FOXN3: variants seen among roughly 807,000 people sequenced by gnomAD.
FOXN3 encodes forkhead box N3.
A neutral mutation model predicts 38.4 loss-of-function variants in FOXN3; 7 were observed. The observed-to-expected ratio is 0.18, with a 90% CI of 0.10 to 0.34. FOXN3 has a LOEUF of 0.34. Ranked by LOEUF, FOXN3 falls within the 10% of genes least tolerant of loss-of-function variation. The pLI is 1.00. For synonymous variants in FOXN3, 230 were observed against 242.2 expected, an observed-to-expected ratio of 0.95 and a Z score of 0.47; for missense variants, 456 against 613.4, an observed-to-expected ratio of 0.74 and a Z score of 2.71.
At chr14:89,298,807 A>G (rs1887127290) in intron 3 of FOXN3, among the ~76,000 whole-genome samples, 1 of 152,252 alleles carries the variant, frequency 6.6e-6, no homozygotes, top group African/African-American at 2.4e-5. Context: ...TCTGAGATGT[A>G]CAGAGGAACC....
rs552336215 is a variant in FOXN3, at chr14:89,530,766, C to T, written c.-15+88262G>A. The stretch of plus-strand genomic sequence containing the variant: ...CTGGGATTACAGGCGCCTACCACCA[C>T]GCCCGGCTAATTTTTGTATTTTTAG... On this transcript the variant is annotated intron_variant, in intron 1 of 6. Coordinates refer to the FOXN3 transcript ENST00000345097. Among the ~76,000 whole-genome samples the T allele has an allele frequency of 1.2e-4, 18 of 151,198 alleles. No individual in the cohort carries two copies. In the South Asian group the frequency reaches 2.3e-3, roughly 19 times the overall value.
intron 3 of FOXN3, among the ~76,000 whole-genome samples, chr14:89,319,284 A>G (rs1378471126): frequency 6.6e-6 from 1 of 152,150 alleles, no homozygotes; most frequent in Non-Finnish European, 1.5e-5. Context: ...GCTATGATTT[A>G]TTTCAGCAAA....
intron 1 of FOXN3, among the ~76,000 whole-genome samples, chr14:89,451,838 G>A (rs1892618358): frequency 6.6e-6 from 1 of 152,056 alleles, no homozygotes; most frequent in African/African-American, 2.4e-5. Context: ...TTTGAATGCT[G>A]TCACTCCAGC....
intron 1 of FOXN3, among the ~76,000 whole-genome samples, chr14:89,596,439 G>A (rs1306549167): frequency 6.6e-6 from 1 of 152,090 alleles, no homozygotes; most frequent in Non-Finnish European, 1.5e-5. Flanking sequence ...GCCCGGCCTT[G>A]TTTAGGATTT....
intron 5 of FOXN3, among the ~76,000 whole-genome samples, chr14:89,175,121 G>A (rs895035634): frequency 3.9e-5 from 6 of 152,208 alleles, no homozygotes; most frequent in Non-Finnish European, 5.9e-5. Flanking sequence ...TTTTCCCGAT[G>A]ATTCTATTTT....
chr14:89,417,678 A>C (rs7422), upstream of FOXN3: 197,441 of 455,620 alleles, frequency 0.43, 48,425 homozygotes, highest in Admixed American at 0.59. Context: ...AAGAATTACG[A>C]TGCGGGCGAG....
chr14:89,355,720 A>G (rs1889192318), intron 2 of FOXN3, among the ~76,000 whole-genome samples: 1 of 152,252 alleles, frequency 6.6e-6, no homozygotes, highest in African/African-American at 2.4e-5. Context: ...ATAGTTGTGT[A>G]TATACATGTT....
chr14:89,257,349 TAAG>T (rs912427792), intron 4 of FOXN3, among the ~76,000 whole-genome samples: 6 of 152,218 alleles, frequency 3.9e-5, no homozygotes, highest in African/African-American at 1.4e-4. Flanking sequence ...ATTCAAACCA[TAAG>T]AAGAGAGGTT....
intron 2 of FOXN3, among the ~76,000 whole-genome samples, chr14:89,391,014 C>A (rs1890929288): frequency 6.6e-6 from 1 of 152,166 alleles, no homozygotes; most frequent in African/African-American, 2.4e-5. Context: ...AACGGTAGAT[C>A]CAGCCCACCA....
chr14:89,190,158 T>C (rs572332154), intron 4 of FOXN3, among the ~76,000 whole-genome samples: 7 of 152,366 alleles, frequency 4.6e-5, no homozygotes, highest in South Asian at 2.1e-4. Context: ...CCTGAAATTA[T>C]ATAAGAACTT....
At chr14:89,248,198 A>G (rs545551844) in intron 4 of FOXN3, among the ~76,000 whole-genome samples, 9 of 152,172 alleles carry the variant, frequency 5.9e-5, no homozygotes, top group Non-Finnish European at 1.3e-4. Context: ...CCACTACACT[A>G]TAAAATGCCA....
rs148337734 is a variant in FOXN3, at chr14:89,394,865, T to C, written c.543+17069A>G. 5.2e-3 allele frequency among the ~76,000 whole-genome samples: 786 copies of C among 152,312 alleles called. 4 individuals are homozygous for C. Among genetic ancestry groups the C allele is most frequent in the Non-Finnish European group, 7.6e-3 (516 of 68,032 alleles). ...TAGTAGGCCCCAGGGATACAGATCATTGGAAGCACAGCTAGTGACTCCCCA... is the reference window on the plus strand; with the variant it reads ...TAGTAGGCCCCAGGGATACAGATCACTGGAAGCACAGCTAGTGACTCCCCA... On this transcript the variant is annotated intron_variant, in intron 2 of 5. Coordinates refer to ENST00000557258, the MANE Select transcript of FOXN3 (RefSeq NM_005197.4).
intron 4 of FOXN3, among the ~76,000 whole-genome samples, chr14:89,270,208 C>T (rs1886105163): frequency 6.6e-6 from 1 of 152,164 alleles, no homozygotes; most frequent in Non-Finnish European, 1.5e-5. Context: ...CATGGCCATC[C>T]TGTGGGTATT....
At chr14:89,320,633 T>TCA (rs1887869436) in intron 3 of FOXN3, among the ~76,000 whole-genome samples, 1 of 152,160 alleles carries the variant, frequency 6.6e-6, no homozygotes, top group Admixed American at 6.5e-5. Context: ...GGTCTCCTCA[T>TCA]CACACTCAGG....
intron 4 of FOXN3, among the ~76,000 whole-genome samples, chr14:89,250,041 G>A (rs1232244368): frequency 6.6e-6 from 1 of 152,212 alleles, no homozygotes; most frequent in South Asian, 2.1e-4. Context: ...TAGACTTACT[G>A]TAAGACCCTT....
intron 3 of FOXN3, 86 bp downstream of exon 3, chr14:89,350,586 C>T (rs766814245): frequency 1.2e-4 from 135 of 1,152,794 alleles, no homozygotes; most frequent in Admixed American, 1.5e-4. Flanking sequence ...AAATCTCGTA[C>T]GGCCTATTAA....
chr14:89,334,128 C>A (rs561070995), intron 3 of FOXN3, among the ~76,000 whole-genome samples: 67 of 151,788 alleles, frequency 4.4e-4, no homozygotes, highest in African/African-American at 1.6e-3. Context: ...GGACATCATG[C>A]TACATGAAAC....
intron 4 of FOXN3, among the ~76,000 whole-genome samples, chr14:89,206,430 C>T (rs1438720488): frequency 6.6e-6 from 1 of 152,176 alleles, no homozygotes; most frequent in African/African-American, 2.4e-5. Flanking sequence ...TTTGGAAAAA[C>T]CAAGAGGGCT....
chr14:89,384,736 G>T (rs74081136), intron 2 of FOXN3, among the ~76,000 whole-genome samples: 2,257 of 152,232 alleles, frequency 0.015, 50 homozygotes, highest in African/African-American at 0.052. Flanking sequence ...ACATGACCCA[G>T]CCTGAGCAGG....
Sources: gnomAD v4.1 joint callset for allele counts (sites outside exome capture counted in the v4.1 genomes callset) on GRCh38, gnomAD v4.1.1 for gene constraint, MANE v1.5 for transcripts, NCBI Gene and HGNC (gene_info 2026-07-23, HGNC 2026-07-21) for gene names.